LMF1: variants seen among roughly 807,000 people sequenced by gnomAD.
The protein encoded by LMF1 is lipase maturation factor 1, also known as transmembrane protein 112.
LMF1 carries 68 observed loss-of-function variants against 60.6 expected under a neutral mutation model. That is an observed-to-expected ratio of 1.12 (90% CI 0.92 to 1.37). The LOEUF is 1.37. Ranked by LOEUF, LMF1 falls within the 40% of genes most tolerant of loss-of-function variation. The pLI is 0.00. For missense variants in LMF1, 948 were observed against 767.2 expected (o/e 1.24, Z -2.78); for synonymous variants, 418 against 324.7 (o/e 1.29, Z -3.09).
At chr16:892,671 CAG>C (rs1467045137) in intron 5 of LMF1, among the ~76,000 whole-genome samples, 2 of 152,328 alleles carry the variant, frequency 1.3e-5, no homozygotes, top group East Asian at 3.9e-4. Flanking sequence ...AGGCACCTGT[CAG>C]GGGACGGTGG....
At chr16:979,878 C>A in intron 1 of LMF1, 3 of 405,550 alleles carry the variant, frequency 7.4e-6, no homozygotes, top group Non-Finnish European at 1.5e-5. Context: ...CAGATGAGTT[C>A]CGCGGGCGCC....
chr16:889,411 G>A (rs1213731823), intron 5 of LMF1, among the ~76,000 whole-genome samples: 1 of 149,484 alleles, frequency 6.7e-6, no homozygotes, highest in African/African-American at 2.6e-5. Flanking sequence ...GCTGTGGATG[G>A]CCATGGTGGA....
At chr16:977,985 CAT>C (rs1452827794) in intron 1 of LMF1, among the ~76,000 whole-genome samples, 1 of 94,114 alleles carries the variant, frequency 1.1e-5, no homozygotes, top group South Asian at 4.0e-4. Flanking sequence ...CCACCACACA[CAT>C]ACACGCACAC....
intron 3 of LMF1, among the ~76,000 whole-genome samples, chr16:913,705 T>C (rs2071187663): frequency 6.6e-6 from 1 of 152,146 alleles, no homozygotes; most frequent in Non-Finnish European, 1.5e-5. Context: ...TTCACAGGCG[T>C]CTCGGGGCAT....
chr16:944,932 G>A (rs1420775611), intron 2 of LMF1, among the ~76,000 whole-genome samples: 1 of 152,072 alleles, frequency 6.6e-6, no homozygotes. Context: ...AAAAATAGGG[G>A]GCTGGGCACC....
upstream of LMF1, among the ~76,000 whole-genome samples, chr16:975,482 TAACA>T (rs1408338443): frequency 1.3e-5 from 2 of 152,218 alleles, no homozygotes; most frequent in Non-Finnish European, 2.9e-5. Flanking sequence ...TAATGCTGCG[TAACA>T]AACAGCCTCA....
At chr16:934,504 A>T (rs2071885181) in intron 2 of LMF1, 1 of 526,962 alleles carries the variant, frequency 1.9e-6, no homozygotes. Context: ...CCATAGAAAT[A>T]AAAAAATATG....
intron 5 of LMF1, among the ~76,000 whole-genome samples, chr16:891,354 C>T (rs559795788): frequency 3.3e-5 from 5 of 152,350 alleles, no homozygotes; most frequent in South Asian, 2.1e-4. Flanking sequence ...CGCCTGATGC[C>T]GGCTTTGAAA....
chr16:938,401 G>A (rs1164178786), intron 2 of LMF1, among the ~76,000 whole-genome samples: 1 of 151,728 alleles, frequency 6.6e-6, no homozygotes, highest in Non-Finnish European at 1.5e-5. Flanking sequence ...ACGGCGGCTC[G>A]CGGGGACAGC....
rs111829625 is a variant in LMF1 at position 870,869 on chromosome 16, C to T, written c.1092G>A (p.Arg364=). The change falls in exon 8 of 11, where the codon CGG becomes CGA. Residue 364 remains arginine, a synonymous_variant. Transcript: ENST00000262301. ...CGCCCAGCGAGACGTTGGCTGCACG[C>T]CGCACCACGGAGCCTGGCAGGGGAG... ...RPEPRFGSVV[R]RAANVSLGVL... 322 of 1,608,560 alleles carry T rather than the reference C, an allele frequency of 2.0e-4. 3 individuals are homozygous for T. The African/African-American group carries it at 3.6e-3, about 18-fold the overall frequency.
chr16:970,468 C>A (rs903547671), intron 1 of LMF1, among the ~76,000 whole-genome samples: 1 of 152,202 alleles, frequency 6.6e-6, no homozygotes. Flanking sequence ...TGGGCCAGGG[C>A]CCGGGCCGGC....
upstream of LMF1, chr16:975,823 T>C (rs1022252351): frequency 3.3e-5 from 15 of 454,166 alleles, no homozygotes; most frequent in Admixed American, 3.5e-4. Flanking sequence ...GAACGTTCCA[T>C]CCTGGCCGGG....
exon 1 of LMF1, chr16:981,210 C>G (rs757257691): frequency 6.6e-6 from 3 of 455,250 alleles, no homozygotes; most frequent in Admixed American, 4.7e-5. Context: ...GGAACCGACC[C>G]TGTCCTGGAC....
Position 879,611 on chromosome 16 carries a change from G to A in LMF1, c.856C>T (p.Arg286Trp), listed in dbSNP as rs542258212. 131 of 1,613,006 alleles carry A rather than the reference G, an allele frequency of 8.1e-5. 3 individuals are homozygous for A. In the South Asian group the frequency reaches 9.1e-4, roughly 11 times the overall value. Residue 286 changes from arginine to tryptophan, a missense_variant, in exon 6 of 11, where the codon CGG becomes TGG. Arg to Trp is a moderately radical substitution (Grantham distance 101). Transcript: ENST00000262301. ...AGCACCCCGTGGATGATGCACGCCC[G>A]CCGGCCGAGGAAGAGGAAGAAGGGC... is the stretch of plus-strand genomic sequence containing the variant. ...LVPFFLFLGR[R>W]ACIIHGVLQI... is the part of the protein sequence containing the mutation.
intron 1 of LMF1, chr16:977,212 C>T (rs777316089): frequency 4.8e-6 from 2 of 414,666 alleles, no homozygotes; most frequent in Non-Finnish European, 9.7e-6. Flanking sequence ...AACAGGCCAG[C>T]CTTGACCCAA....
intron 10 of LMF1, among the ~76,000 whole-genome samples, chr16:863,562 T>C (rs373883124): frequency 1.1e-4 from 16 of 152,246 alleles, no homozygotes; most frequent in African/African-American, 3.9e-4. Context: ...GTTTCTCTAT[T>C]GTTTGTTTTC....
intron 4 of LMF1, chr16:902,554 G>A (rs1596955184): frequency 6.0e-6 from 1 of 166,332 alleles, no homozygotes. Context: ...GGAAGGCCGA[G>A]GACAGTCTGG....
intron 3 of LMF1, among the ~76,000 whole-genome samples, chr16:917,231 T>C (rs1000722879): frequency 2.0e-5 from 3 of 152,192 alleles, no homozygotes; most frequent in Non-Finnish European, 4.4e-5. Context: ...CACACAGCCA[T>C]GGTGTGGCCA....
chr16:863,556 C>G (rs898036016), intron 10 of LMF1, among the ~76,000 whole-genome samples: 12 of 152,270 alleles, frequency 7.9e-5, no homozygotes, highest in African/African-American at 2.6e-4. Context: ...CAATAAGTTT[C>G]TCTATTGTTT....
Sources: gnomAD v4.1 joint callset for allele counts (sites outside exome capture counted in the v4.1 genomes callset) on GRCh38, gnomAD v4.1.1 for gene constraint, MANE v1.5 for transcripts, NCBI Gene and HGNC (gene_info 2026-07-23, HGNC 2026-07-21) for gene names.